The following PDCD1 variants were observed in gnomAD, a reference collection of about 807,000 sequenced individuals.
PDCD1 encodes the protein programmed cell death protein 1.
PDCD1 carries 10 observed loss-of-function variants against 23.6 expected under a neutral mutation model. The observed-to-expected ratio is 0.42, with a 90% CI of 0.26 to 0.72. The LOEUF (loss-of-function observed/expected upper bound fraction) is 0.72. Among genes scored for constraint, PDCD1 ranks in the 30% least tolerant of loss-of-function variants. The pLI is 0.24. For synonymous variants in PDCD1, 168 were observed against 169.3 expected, an observed-to-expected ratio of 0.99 and a Z score of 0.06; for missense variants, 313 against 397.8, an observed-to-expected ratio of 0.79 and a Z score of 1.81.
chr2:241,858,819 G>C lies in PDCD1; in HGVS notation c.20C>G (p.Pro7Arg). The C allele has an allele frequency of 6.3e-7, 1 of 1,581,924 alleles. No individual in the cohort carries two copies. The highest frequency in any genetic ancestry group is 1.3e-5 in the African/African-American group (1 of 74,532). MQIPQA[P>R]WPVVWAVLQL... ...TAGCACCGCCCAGACGACTGGCCAG[G>C]GCGCCTGTGGGATCTGCATGCCTGG... The change falls in exon 1 of 5, where the codon CCC becomes CGC. Residue 7 changes from proline (P) to arginine (R), a missense_variant. Coordinates refer to ENST00000334409, the MANE Select transcript of PDCD1 (RefSeq NM_005018.3).
chr2:241,852,176 C>T lies in PDCD1; in HGVS notation c.592+22G>A, dbSNP rs201242958. ...CCAGCAGGGTTAGGGCAGGGCAGGC[C>T]GAGGGGCTGGGATGACGTTACCTCG... On this transcript the variant is annotated intron_variant, in intron 3 of 4. Transcript: ENST00000334409. 6.4e-4 allele frequency: 1,029 copies of T among 1,602,428 alleles called. 2 individuals carry two copies. The highest frequency in any genetic ancestry group is 2.2e-3 in the South Asian group (192 of 89,280).
intron 1 of PDCD1, among the ~76,000 whole-genome samples, chr2:241,856,825 A>G (rs1274673629): frequency 6.6e-6 from 1 of 152,188 alleles, no homozygotes; most frequent in Non-Finnish European, 1.5e-5. Flanking sequence ...ACTAAAAGAA[A>G]CAAACAAAAA....
At position 241,852,258 on chromosome 2, in the gene PDCD1, G is replaced by A. The variant is rs55667829; in HGVS notation, c.532C>T (p.Leu178=). The change falls in exon 3 of 5, where the codon CTG becomes TTG. Residue 178 remains leucine, a synonymous_variant. Coordinates refer to ENST00000334409, the MANE Select transcript of PDCD1 (RefSeq NM_005018.3). The part of the protein sequence containing the change: ...TLVVGVVGGL[L]GSLVLLVWVL... ...CAGACTAGCAGCACCAGGCTGCCCA[G>A]CAGGCCGCCCACGACACCAACCACC... 1.2e-3 allele frequency: 1,937 copies of A among 1,611,360 alleles called. 20 individuals carry two copies. The African/African-American group carries it at 0.019, about 16-fold the overall frequency.
intron 4 of PDCD1, 53 bp from the exon 5 acceptor site, chr2:241,851,350 G>A: frequency 5.2e-6 from 8 of 1,546,416 alleles, no homozygotes; most frequent in Non-Finnish European, 7.0e-6. Context: ...GCAGGAAGGA[G>A]GCCCGCGGCT....
At chr2:241,858,619 A>G in intron 1 of PDCD1, 144 bp downstream of exon 1, 3 of 710,178 alleles carry the variant, frequency 4.2e-6, no homozygotes, top group Non-Finnish European at 7.4e-6. Context: ...TGAGAGTGAA[A>G]GGTCCCTCCA....
chr2:241,851,295 C>A lies in PDCD1; in HGVS notation c.630G>T (p.Lys210Asn). 1 of 1,605,398 alleles carries A rather than the reference C, an allele frequency of 6.2e-7. No individual in the cohort carries two copies. Among genetic ancestry groups the A allele is most frequent in the Non-Finnish European group, 8.5e-7 (1 of 1,174,480 alleles). ...ACACAGGCACGGCTGAGGGGTCCTC[C>A]TTCTTTGAGGAGAAAGGGAGAGGGA... is the stretch of plus-strand genomic sequence containing the variant. ...IGARRTGQPL[K>N]EDPSAVPVFS... is the part of the protein sequence containing the mutation. Residue 210 changes from lysine (K) to asparagine (N), a missense_variant and splice_region_variant, in exon 5 of 5, where the codon AAG (lysine) becomes AAT (asparagine). Lys to Asn is a moderately conservative substitution (Grantham distance 94). Transcript: ENST00000334409.
chr2:241,849,911 TTATAA>T lies in PDCD1; in HGVS notation c.*1142_*1146del, dbSNP rs1404392181. Reference sequence around the variant, plus strand: ...AGCATGCTCTCATATTTAATTATAATTATAATATAATAGAACCACAGGGAAGGGGG... The same window carrying T: ...AGCATGCTCTCATATTTAATTATAATTATAATAGAACCACAGGGAAGGGGG... On this transcript the variant is annotated 3_prime_UTR_variant, in exon 5 of 5. Coordinates refer to ENST00000334409, the MANE Select transcript of PDCD1 (RefSeq NM_005018.3). 1 of 185,090 alleles carries T rather than the reference TTATAA, an allele frequency of 5.4e-6. No individual in the cohort carries two copies. The highest frequency in any genetic ancestry group is 8.6e-5 in the East Asian group (1 of 11,584). The allele number at this position is 185,090 out of a possible 1,614,324, so 11.5% of individuals were successfully genotyped here. A position where few individuals can be genotyped will look rare whatever the true frequency, so the allele number is the denominator to read the frequency against.
Position 241,852,926 on chromosome 2 carries a change from A to T in PDCD1, c.131T>A (p.Val44Glu). ...PPTFSPALLV[V>E]TEGDNATFTC... ...GAAGGTGGCGTTGTCCCCTTCGGTC[A>T]CCACGAGCAGGGCTGGGGAGAAGGT... The change falls in exon 2 of 5, where the codon GTG becomes GAG. Residue 44 changes from valine to glutamate, a missense_variant. This residue lies in a region of PDCD1 where 135 missense variants were observed against 166.9 expected (regional missense o/e 0.81). Transcript: ENST00000334409. The T allele has an allele frequency of 6.3e-7, 1 of 1,589,050 alleles. No individual in the cohort carries two copies. Among genetic ancestry groups the T allele is most frequent in the Non-Finnish European group, 8.5e-7 (1 of 1,174,784 alleles).
At chr2:241,858,504 G>A (rs1357664071) in intron 1 of PDCD1, among the ~76,000 whole-genome samples, 1 of 141,190 alleles carries the variant, frequency 7.1e-6, no homozygotes, top group African/African-American at 2.6e-5. Context: ...GGCCCAGAGA[G>A]GAACCCAGGA....
At chr2:241,852,015 C>T (rs200446218) in intron 3 of PDCD1, 32 bp from the exon 4 acceptor site, 35 of 1,607,420 alleles carry the variant, frequency 2.2e-5, no homozygotes, top group South Asian at 6.6e-5. Flanking sequence ...GTCACCAGGC[C>T]GACCCTGAGC....
At chr2:241,857,278 A>C (rs1016234109) in intron 1 of PDCD1, among the ~76,000 whole-genome samples, 4 of 152,210 alleles carry the variant, frequency 2.6e-5, no homozygotes, top group Non-Finnish European at 5.9e-5. Context: ...CGCCTTGCTG[A>C]GTGCCCTGTG....
At chr2:241,851,330 A>C (rs762087223) in intron 4 of PDCD1, 33 bp from the exon 5 acceptor site, 39 of 1,572,822 alleles carry the variant, frequency 2.5e-5, no homozygotes, top group Admixed American at 1.1e-4. Flanking sequence ...AGTCAGCCCC[A>C]CGGCCCACCG....
In PDCD1 at chr2:241,858,894, C is replaced by G. The variant is rs943869215; in HGVS notation, c.-56G>C. 1 of 1,467,226 alleles carries G rather than the reference C, an allele frequency of 6.8e-7. No homozygotes were observed. 90.9% of individuals were successfully genotyped at this position (1,467,226 alleles called of 1,614,324 possible). A position where few individuals can be genotyped will look rare whatever the true frequency, so the allele number is the denominator to read the frequency against. ...TCTCCACTGCTCAGGCGGAGGTGAG[C>G]GGAAGGGAAACTGTCCCAGGTCAGG... On this transcript the variant is annotated 5_prime_UTR_variant, in exon 1 of 5. Coordinates refer to ENST00000334409, the MANE Select transcript of PDCD1 (RefSeq NM_005018.3).
rs1168357449 is a variant in PDCD1, at chr2:241,851,122, G to C, written c.803C>G (p.Ala268Gly). The C allele has an allele frequency of 1.9e-6, 3 of 1,613,178 alleles. No individual in the cohort carries two copies. Among genetic ancestry groups the C allele is most frequent in the Non-Finnish European group, 2.5e-6 (3 of 1,179,928 alleles). Reference protein sequence around the residue: ...GTSSPARRGSADGPRSAQPLR... With the variant: ...GTSSPARRGSGDGPRSAQPLR... ...TGGCTGGGCACTCCGAGGGCCGTCA[G>C]CTGAGCCCCTGCGGGCGGGGGATGA... Residue 268 changes from alanine to glycine, a missense_variant, in exon 5 of 5, where the codon GCT becomes GGT. Around this residue, in one of 3 missense-constraint regions of PDCD1, gnomAD observed 158 missense variants for 177.5 expected, o/e 0.89. Coordinates refer to ENST00000334409, the MANE Select transcript of PDCD1 (RefSeq NM_005018.3).
At position 241,851,003 on chromosome 2, in the gene PDCD1, C is replaced by T; in HGVS notation, c.*55G>A. ...TGCCTGCTTCTCCTGAGGAAATGCG[C>T]TGACCCGGGCTCATGGTGGAGGGTC... On this transcript the variant is annotated 3_prime_UTR_variant, in exon 5 of 5. Coordinates refer to ENST00000334409, the MANE Select transcript of PDCD1 (RefSeq NM_005018.3). 2 of 1,565,228 alleles carry T rather than the reference C, an allele frequency of 1.3e-6. No individual in the cohort carries two copies. The highest frequency in any genetic ancestry group is 2.3e-5 in the East Asian group (1 of 44,356).
chr2:241,858,821 C>A lies in PDCD1; in HGVS notation c.18G>T (p.Ala6=). MQIPQ[A]PWPVVWAVLQ... is the part of the protein sequence containing the mutation. Reference sequence around the variant, plus strand: ...GCACCGCCCAGACGACTGGCCAGGGCGCCTGTGGGATCTGCATGCCTGGAG... The same window carrying A: ...GCACCGCCCAGACGACTGGCCAGGGAGCCTGTGGGATCTGCATGCCTGGAG... The change falls in exon 1 of 5, where the codon GCG becomes GCT. Residue 6 remains alanine (A), a synonymous_variant. Transcript: ENST00000334409. 6.3e-7 allele frequency: 1 copy of A among 1,581,926 alleles called. No homozygotes were observed. Among genetic ancestry groups the A allele is most frequent in the Non-Finnish European group, 8.6e-7 (1 of 1,164,254 alleles).
rs1373974850 is a variant in PDCD1 at position 241,858,191 on chromosome 2, C to T, written c.76+572G>A. Among the ~76,000 whole-genome samples, 5 of 152,230 alleles carry T rather than the reference C, an allele frequency of 3.3e-5. No homozygotes were observed. The East Asian group carries it at 5.8e-4, about 18-fold the overall frequency. ...TGGAGACAGAAGAACTGTCCTCACT[C>T]GAACAGGTACACTTTGGATATAATG... On this transcript the variant is annotated intron_variant, in intron 1 of 4. Transcript: ENST00000334409.
At chr2:241,851,901 C>A in intron 4 of PDCD1, 48 bp downstream of exon 4, 1 of 1,592,352 alleles carries the variant, frequency 6.3e-7, no homozygotes, top group Non-Finnish European at 8.6e-7. Context: ...CTCTGCCCAC[C>A]CAGGAAGGAA....
chr2:241,858,104 G>A (rs1352185257), intron 1 of PDCD1, among the ~76,000 whole-genome samples: 2 of 152,194 alleles, frequency 1.3e-5, no homozygotes, highest in African/African-American at 4.8e-5. Flanking sequence ...ACAGGGCTCG[G>A]GGAGAGCCCT....
Sources: gnomAD v4.1 joint callset for allele counts (sites outside exome capture counted in the v4.1 genomes callset) on GRCh38, gnomAD v4.1.1 for gene constraint, gnomAD v4.1.1 regional missense constraint, MANE v1.5 for transcripts, NCBI Gene and HGNC (gene_info 2026-07-23, HGNC 2026-07-21) for gene names.